SLC2A13: variants seen among roughly 807,000 people sequenced by gnomAD.
SLC2A13 encodes proton myo-inositol cotransporter.
SLC2A13 carries 32 observed loss-of-function variants against 64.4 expected under a neutral mutation model. The observed-to-expected ratio is 0.50, with a 90% CI of 0.37 to 0.67. The LOEUF (loss-of-function observed/expected upper bound fraction) is 0.67. Ranked by LOEUF, SLC2A13 falls within the 30% of genes least tolerant of loss-of-function variation. SLC2A13 has a pLI of 0.00. For missense variants in SLC2A13, 743 were observed against 829.2 expected, an observed-to-expected ratio of 0.90 and a Z score of 1.28; for synonymous variants, 338 against 327.1, an observed-to-expected ratio of 1.03 and a Z score of -0.36.
At chr12:40,085,897 CAG>C (rs1169253641) in intron 1 of SLC2A13, among the ~76,000 whole-genome samples, 2 of 151,624 alleles carry the variant, frequency 1.3e-5, no homozygotes, top group East Asian at 1.9e-4. Flanking sequence ...TTTTTTGAGA[CAG>C]AGTCTCGCTC....
At chr12:39,921,591 G>A (rs1945616345) in intron 4 of SLC2A13, among the ~76,000 whole-genome samples, 1 of 152,096 alleles carries the variant, frequency 6.6e-6, no homozygotes, top group South Asian at 2.1e-4. Flanking sequence ...AGGTGTCAGT[G>A]CAAGGTATAA....
chr12:39,989,704 T>A (rs550685022), intron 3 of SLC2A13, among the ~76,000 whole-genome samples: 11 of 152,242 alleles, frequency 7.2e-5, no homozygotes, highest in Non-Finnish European at 1.5e-5. Flanking sequence ...TATGCACAAC[T>A]TTTTTTCCAC....
intron 6 of SLC2A13, among the ~76,000 whole-genome samples, chr12:39,853,973 A>AGTGTTTAAATTT (rs1943536375): frequency 6.6e-6 from 1 of 152,188 alleles, no homozygotes. Context: ...TTGTTAAAAT[A>AGTGTTTAAATTT]AAATCCTAGT....
intron 9 of SLC2A13, 136 bp downstream of exon 9, chr12:39,764,324 G>A: frequency 1.4e-6 from 1 of 740,250 alleles, no homozygotes; most frequent in Non-Finnish European, 2.0e-6. Context: ...GCCTTTGGAG[G>A]ACAAGAAAGC....
intron 4 of SLC2A13, among the ~76,000 whole-genome samples, chr12:39,883,701 C>A: frequency 6.6e-6 from 1 of 152,094 alleles, no homozygotes; most frequent in East Asian, 1.9e-4. Flanking sequence ...TAAAACTTTG[C>A]AAGAACTTTC....
intron 3 of SLC2A13, among the ~76,000 whole-genome samples, chr12:40,004,594 G>T (rs548089395): frequency 7.5e-4 from 114 of 151,248 alleles, no homozygotes; most frequent in Non-Finnish European, 1.2e-3. Flanking sequence ...CACAGACTGG[G>T]CAATGAGTAA....
At chr12:39,999,140 C>T (rs1411458587) in intron 3 of SLC2A13, among the ~76,000 whole-genome samples, 7 of 152,238 alleles carry the variant, frequency 4.6e-5, no homozygotes, top group South Asian at 4.1e-4. Context: ...TGAGGATGTA[C>T]GTCACCTCAG....
chr12:39,986,005 G>A (rs1262272749), intron 3 of SLC2A13, among the ~76,000 whole-genome samples: 5 of 152,068 alleles, frequency 3.3e-5, no homozygotes, highest in African/African-American at 9.7e-5. Flanking sequence ...TTCACTGTGC[G>A]GTGAGGGCCT....
chr12:40,047,714 G>A (rs1332583014), intron 2 of SLC2A13, among the ~76,000 whole-genome samples: 1 of 152,158 alleles, frequency 6.6e-6, no homozygotes, highest in Non-Finnish European at 1.5e-5. Context: ...TTCATAAACA[G>A]CTTGTCAATC....
At chr12:40,046,578 T>C (rs1948174435) in intron 2 of SLC2A13, among the ~76,000 whole-genome samples, 1 of 151,758 alleles carries the variant, frequency 6.6e-6, no homozygotes, top group African/African-American at 2.4e-5. Context: ...AAACTCAAAA[T>C]ACCAGGTTAT....
chr12:39,874,433 G>A (rs1454345063), intron 4 of SLC2A13, among the ~76,000 whole-genome samples: 1 of 152,060 alleles, frequency 6.6e-6, no homozygotes, highest in Non-Finnish European at 1.5e-5. Flanking sequence ...GGCCAACATG[G>A]TGAAACCCCA....
chr12:40,029,712 A>C (rs566214333), intron 2 of SLC2A13, among the ~76,000 whole-genome samples: 1 of 152,344 alleles, frequency 6.6e-6, no homozygotes, highest in Admixed American at 6.5e-5. Context: ...TACAAATTAC[A>C]AACTTAAACT....
intron 4 of SLC2A13, among the ~76,000 whole-genome samples, chr12:39,880,058 G>A (rs555883529): frequency 2.6e-5 from 4 of 152,042 alleles, no homozygotes; most frequent in South Asian, 4.2e-4. Flanking sequence ...TCTCTCTCTC[G>A]CGCTTGCTCT....
chr12:40,019,264 T>A (rs1947673218), intron 3 of SLC2A13, among the ~76,000 whole-genome samples: 1 of 152,236 alleles, frequency 6.6e-6, no homozygotes, highest in East Asian at 1.9e-4. Context: ...TCACATTTTT[T>A]ATAGTTGTTT....
At chr12:39,780,195 T>G in intron 7 of SLC2A13, among the ~76,000 whole-genome samples, 1 of 148,240 alleles carries the variant, frequency 6.7e-6, no homozygotes, top group South Asian at 2.3e-4. Flanking sequence ...ATTATTCCCA[T>G]TTTGCATATA....
Position 40,048,154 on chromosome 12 carries a change from T to A in SLC2A13, c.613A>T (p.Arg205Ter), listed in dbSNP as rs1948198458. 1 of 1,613,672 alleles carries A rather than the reference T, an allele frequency of 6.2e-7. No individual in the cohort carries two copies. The highest frequency in any genetic ancestry group is 8.5e-7 in the Non-Finnish European group (1 of 1,179,774). ...YIAEVSPPNL[R>*]GRLVTINTLF... ...GTATTAATGGTGACTAATCGGCCTC[T>A]TAAATTGGGTGGTGAGACCTCCGCA... The change falls in exon 2 of 10, where the codon AGA (arginine) becomes TGA (stop). Residue 205 changes from arginine (R) to a stop codon, truncating the protein, a stop_gained. Coordinates refer to ENST00000280871, the MANE Select transcript of SLC2A13 (RefSeq NM_052885.4). LOFTEE classifies it high-confidence loss of function.
At chr12:39,781,598 G>T (rs908020018) in intron 7 of SLC2A13, among the ~76,000 whole-genome samples, 1 of 152,190 alleles carries the variant, frequency 6.6e-6, no homozygotes, top group African/African-American at 2.4e-5. Context: ...TTTATGTAAG[G>T]AGAGAATGAA....
intron 6 of SLC2A13, among the ~76,000 whole-genome samples, chr12:39,839,422 G>T (rs772661142): frequency 1.8e-4 from 27 of 152,054 alleles, no homozygotes; most frequent in Non-Finnish European, 3.4e-4. Context: ...AAGGCTAGGG[G>T]CCTACTGGTA....
At chr12:39,956,306 A>G (rs1322048820) in intron 3 of SLC2A13, among the ~76,000 whole-genome samples, 1 of 152,184 alleles carries the variant, frequency 6.6e-6, no homozygotes, top group Non-Finnish European at 1.5e-5. Context: ...CTGTGGAGGG[A>G]GGAATTACAA....
Sources: allele counts gnomAD v4.1 joint callset (sites outside exome capture counted in the v4.1 genomes callset), GRCh38; gene constraint gnomAD v4.1.1; transcripts MANE v1.5; gene names NCBI Gene and HGNC (gene_info 2026-07-23, HGNC 2026-07-21).